SNX8: variants seen among roughly 807,000 people sequenced by gnomAD.
SNX8 encodes sorting nexin-8.
SNX8 carries 25 observed loss-of-function variants against 51.6 expected under a neutral mutation model. The ratio of observed to expected loss-of-function variants is 0.48; its 90% CI spans 0.35 to 0.68. The LOEUF (loss-of-function observed/expected upper bound fraction) is 0.68, where lower values mean the gene tolerates loss of function less well. SNX8 is among the 30% of genes least tolerant of loss of function. The probability of loss-of-function intolerance (pLI) is 0.00; values close to 1 mark genes in which losing one functional copy is unlikely to be tolerated. For synonymous variants in SNX8, 324 were observed against 277.0 expected (o/e 1.17, Z -1.68); for missense variants, 695 against 624.0 (o/e 1.11, Z -1.21).
At chr7:2,303,227 G>C (rs1796451474) in intron 1 of SNX8, among the ~76,000 whole-genome samples, 1 of 148,546 alleles carries the variant, frequency 6.7e-6, no homozygotes, top group Non-Finnish European at 1.5e-5. Context: ...CGTCCAGGAG[G>C]GAGGTCAGGG....
intron 1 of SNX8, among the ~76,000 whole-genome samples, chr7:2,303,564 G>A (rs1796465151): frequency 1.3e-5 from 2 of 152,224 alleles, no homozygotes; most frequent in Non-Finnish European, 1.5e-5. Context: ...CCGTGTCTGT[G>A]TAGAAAGAAG....
chr7:2,293,452 G>A (rs1473396962), intron 1 of SNX8, among the ~76,000 whole-genome samples: 5 of 151,510 alleles, frequency 3.3e-5, no homozygotes, highest in Admixed American at 1.3e-4. Context: ...TCAGGAGATC[G>A]AGACCACCCT....
At chr7:2,318,641 C>T (rs1338143979), upstream of SNX8, among the ~76,000 whole-genome samples, 1 of 151,684 alleles carries the variant, frequency 6.6e-6, no homozygotes, top group Admixed American at 6.6e-5. Context: ...GTTGCAGTGA[C>T]CTGAGATTGC....
intron 1 of SNX8, among the ~76,000 whole-genome samples, chr7:2,340,169 T>G (rs1468925264): frequency 6.6e-6 from 1 of 151,996 alleles, no homozygotes; most frequent in African/African-American, 2.4e-5. Flanking sequence ...TTCAAGTGAT[T>G]CTCCTGCCTC....
chr7:2,279,412 C>G (rs964839114), intron 1 of SNX8, among the ~76,000 whole-genome samples: 2 of 152,198 alleles, frequency 1.3e-5, no homozygotes, highest in African/African-American at 4.8e-5. Flanking sequence ...TGGACCCACT[C>G]ACTCATGCTA....
At chr7:2,316,527 A>G (rs1301914147), upstream of SNX8, among the ~76,000 whole-genome samples, 2 of 146,248 alleles carry the variant, frequency 1.4e-5, no homozygotes, top group Non-Finnish European at 3.0e-5. Flanking sequence ...TCACTCACGC[A>G]CTGCATCCTG....
At chr7:2,285,008 C>G (rs148068310) in intron 1 of SNX8, among the ~76,000 whole-genome samples, 2,331 of 151,824 alleles carry the variant, frequency 0.015, 29 homozygotes, top group Non-Finnish European at 0.026. Context: ...GTCAGGAGAT[C>G]GAGACCATCC....
At chr7:2,270,759 G>A (rs1795625497) in intron 4 of SNX8, among the ~76,000 whole-genome samples, 1 of 152,204 alleles carries the variant, frequency 6.6e-6, no homozygotes, top group Admixed American at 6.5e-5. Context: ...CTGCCTCCGA[G>A]AGGAACGAAG....
chr7:2,268,742 CA>C (rs1235742239), intron 5 of SNX8, among the ~76,000 whole-genome samples: 3 of 18,432 alleles, frequency 1.6e-4, no homozygotes, highest in Admixed American at 4.3e-4. Flanking sequence ...GTCAGCCCCC[CA>C]GCCCGGCCAG....
chr7:2,350,112 C>T (rs980526848), intron 1 of SNX8, among the ~76,000 whole-genome samples: 140 of 152,308 alleles, frequency 9.2e-4, no homozygotes, highest in African/African-American at 3.2e-3. Context: ...GAAATCCCCA[C>T]GCTCAGAACC....
chr7:2,291,450 T>C (rs1310493312), intron 1 of SNX8, among the ~76,000 whole-genome samples: 1 of 151,662 alleles, frequency 6.6e-6, no homozygotes, highest in Non-Finnish European at 1.5e-5. Flanking sequence ...ATACAAAAAT[T>C]AGCTGGCTGT....
intron 1 of SNX8, among the ~76,000 whole-genome samples, chr7:2,301,563 A>G (rs1796394172): frequency 6.6e-6 from 1 of 152,202 alleles, no homozygotes; most frequent in South Asian, 2.1e-4. Flanking sequence ...TCATATTTAT[A>G]CCTACTTTTA....
At chr7:2,341,815 C>G (rs770365720) in intron 1 of SNX8, among the ~76,000 whole-genome samples, 1 of 151,790 alleles carries the variant, frequency 6.6e-6, no homozygotes, top group African/African-American at 2.4e-5. Context: ...GGTGAAGCCC[C>G]GTCTCTACTA....
intron 1 of SNX8, among the ~76,000 whole-genome samples, chr7:2,279,294 C>T (rs1405905397): frequency 1.4e-5 from 2 of 147,202 alleles, no homozygotes; most frequent in Non-Finnish European, 3.0e-5. Flanking sequence ...ACTACGGAGT[C>T]GAAGCCGGAC....
At chr7:2,269,110 T>C (rs1320708557) in intron 5 of SNX8, among the ~76,000 whole-genome samples, 3 of 141,416 alleles carry the variant, frequency 2.1e-5, no homozygotes, top group Middle Eastern at 7.1e-3. Context: ...GGGGAAAAGA[T>C]TGAGAAATCG....
At chr7:2,286,727 C>T (rs914403370) in intron 1 of SNX8, among the ~76,000 whole-genome samples, 2 of 151,626 alleles carry the variant, frequency 1.3e-5, no homozygotes, top group Non-Finnish European at 2.9e-5. Context: ...ACCATGTTAG[C>T]CAGGATGGTC....
Position 2,253,225 on chromosome 7 carries a change from GTC to G in SNX8, c.*1829_*1830del, listed in dbSNP as rs1157740451. 8.5e-6 allele frequency: 1 copy of G among 117,152 alleles called. No homozygotes were observed. Among genetic ancestry groups the G allele is most frequent in the Non-Finnish European group, 1.8e-5 (1 of 54,282 alleles). The allele number at this position is 117,152 out of a possible 1,614,324, so 7.3% of individuals were successfully genotyped here. ...CTCCTTCAGAAAAGCTCATTCTGAA[GTC>G]TTGCTCAATCCTTGGGGGCTGTCAG... On this transcript the variant is annotated 3_prime_UTR_variant, in exon 11 of 11. Transcript: ENST00000222990.
In SNX8 at chr7:2,259,919, GGAA is replaced by G. The variant is rs370590488; in HGVS notation, c.916-2119_916-2117del. 1.4e-3 allele frequency among the ~76,000 whole-genome samples: 215 copies of G among 151,994 alleles called. 4 individuals are homozygous for G. Among genetic ancestry groups the G allele is most frequent in the African/African-American group, 4.8e-3 (200 of 41,418 alleles). On this transcript the variant is annotated intron_variant, in intron 7 of 10. Coordinates refer to ENST00000222990, the MANE Select transcript of SNX8 (RefSeq NM_013321.4). ...TGTTTTGGCTTCCCAGGGCCACATT[GGAA>G]GAAGAAGAATTGTCTTGAGCCACAC...
chr7:2,329,104 CATACAAA>C (rs1275791817), intron 1 of SNX8, among the ~76,000 whole-genome samples: 2 of 134,734 alleles, frequency 1.5e-5, no homozygotes, highest in Non-Finnish European at 3.2e-5. Flanking sequence ...AAAAACAAAA[CATACAAA>C]ATACAAAAAA....
Sources: gnomAD v4.1 joint callset for allele counts (sites outside exome capture counted in the v4.1 genomes callset) on GRCh38, gnomAD v4.1.1 for gene constraint, MANE v1.5 for transcripts, NCBI Gene and HGNC (gene_info 2026-07-23, HGNC 2026-07-21) for gene names.